Variants in NEDD1 observed in about 807,000 individuals in gnomAD.
The protein encoded by NEDD1 is NEDD1 gamma-tubulin ring complex targeting factor.
A neutral mutation model predicts 74.0 loss-of-function variants in NEDD1; 33 were observed. That is an observed-to-expected ratio of 0.45 (90% CI 0.34 to 0.60). NEDD1 has a LOEUF of 0.60. NEDD1 is among the 20% of genes least tolerant of loss of function. NEDD1 has a pLI of 0.01. For missense variants in NEDD1, 746 were observed against 776.5 expected, an observed-to-expected ratio of 0.96 and a Z score of 0.47; for synonymous variants, 250 against 264.4, an observed-to-expected ratio of 0.95 and a Z score of 0.53.
At chr12:96,910,740 C>T (rs1011787676) in intron 3 of NEDD1, among the ~76,000 whole-genome samples, 4 of 152,200 alleles carry the variant, frequency 2.6e-5, no homozygotes, top group African/African-American at 9.6e-5. Context: ...AGAACCACTG[C>T]TGTGACCACA....
chr12:96,938,221 A>G (rs1877319150), intron 9 of NEDD1, among the ~76,000 whole-genome samples: 1 of 151,998 alleles, frequency 6.6e-6, no homozygotes, highest in South Asian at 2.1e-4. Flanking sequence ...TAAAGTAAGT[A>G]TATTCACTAT....
At chr12:96,919,757 A>G (rs1182821910) in intron 5 of NEDD1, among the ~76,000 whole-genome samples, 1 of 152,220 alleles carries the variant, frequency 6.6e-6, no homozygotes, top group Non-Finnish European at 1.5e-5. Flanking sequence ...GAATTCTTTA[A>G]GGAAGACATA....
rs1159572577 is a variant in NEDD1, at chr12:96,933,016, TA to T, written c.490-1957del. Among the ~76,000 whole-genome samples, 1,385 of 151,234 alleles carry T rather than the reference TA, an allele frequency of 9.2e-3. 24 individuals are homozygous for T. Among genetic ancestry groups the T allele is most frequent in the African/African-American group, 0.032 (1,302 of 41,192 alleles). Reference sequence around the variant, plus strand: ...TCTTTAGCCTTTTTTTTTTTTTTTTTAAATAGTCTGCCATGTAGGTCCCAAG... The same window carrying T: ...TCTTTAGCCTTTTTTTTTTTTTTTTTAATAGTCTGCCATGTAGGTCCCAAG... On this transcript the variant is annotated intron_variant, in intron 6 of 15. Transcript: ENST00000266742.
At position 96,912,794 on chromosome 12, in the gene NEDD1, C is replaced by G. The variant is rs964900973; in HGVS notation, c.208C>G (p.Pro70Ala). ...VVSSCKCKPV[P>A]LLELAEGQKQ... ...CTCAAGTTGCAAATGTAAACCTGTT[C>G]CACTTTTAGAGCTTGCTGAAGGGGT... Residue 70 changes from proline to alanine, a missense_variant, in exon 4 of 16, where the codon CCA becomes GCA. Transcript: ENST00000266742. The G allele has an allele frequency of 6.2e-7, 1 of 1,600,726 alleles. No individual in the cohort carries two copies. Among genetic ancestry groups the G allele is most frequent in the Non-Finnish European group, 8.6e-7 (1 of 1,169,544 alleles).
At chr12:96,932,834 A>G (rs1264893640) in intron 6 of NEDD1, among the ~76,000 whole-genome samples, 1 of 151,862 alleles carries the variant, frequency 6.6e-6, no homozygotes, top group East Asian at 1.9e-4. Context: ...ATGCTATTTA[A>G]TCCTCAAAAT....
At chr12:96,929,340 TTCTTAATGTCTTGTATTTTTTTTTTC>T (rs1337222638) in intron 6 of NEDD1, among the ~76,000 whole-genome samples, 10 of 149,556 alleles carry the variant, frequency 6.7e-5, no homozygotes, top group East Asian at 1.9e-4. Context: ...TATGTTTTTT[TTCTTAATGTCTTGTATTTTTTTTTTC>T]CTTAATGTCT....
chr12:96,913,105 A>C (rs781659323), intron 4 of NEDD1, among the ~76,000 whole-genome samples: 1 of 152,100 alleles, frequency 6.6e-6, no homozygotes, highest in Non-Finnish European at 1.5e-5. Context: ...TGTTGCTGCT[A>C]TTTTAGGACG....
chr12:96,907,311 G>C lies in NEDD1; in HGVS notation c.-262+11G>C, dbSNP rs1244952681. 6 of 333,636 alleles carry C rather than the reference G, an allele frequency of 1.8e-5. No individual in the cohort carries two copies. In the East Asian group the frequency reaches 2.1e-4, roughly 12 times the overall value. 20.7% of individuals were successfully genotyped at this position (333,636 alleles called of 1,614,324 possible). A position where few individuals can be genotyped will look rare whatever the true frequency, so the allele number is the denominator to read the frequency against. On this transcript the variant is annotated intron_variant, in intron 1 of 15. Coordinates refer to ENST00000266742, the MANE Select transcript of NEDD1 (RefSeq NM_152905.4). ...TGTTGCTGCGGAGAGGTGAGGTTCC[G>C]GAGGCCCTGAGGTCAGCGGGCCCCC... is the stretch of plus-strand genomic sequence containing the variant.
chr12:96,925,883 A>C (rs1313651782), intron 6 of NEDD1, among the ~76,000 whole-genome samples: 1 of 152,128 alleles, frequency 6.6e-6, no homozygotes, highest in East Asian at 1.9e-4. Context: ...GGATCTTCTG[A>C]TGTAGATTTA....
intron 2 of NEDD1, 62 bp downstream of exon 2, chr12:96,907,918 C>T (rs968359276): frequency 1.6e-6 from 2 of 1,275,414 alleles, no homozygotes; most frequent in African/African-American, 1.5e-5. Flanking sequence ...AACATTAAAT[C>T]ACCCGGCGAG....
intron 10 of NEDD1, among the ~76,000 whole-genome samples, chr12:96,941,979 A>T (rs1877703487): frequency 6.6e-6 from 1 of 152,062 alleles, no homozygotes; most frequent in Admixed American, 6.6e-5. Context: ...TAAATTCGTT[A>T]ATGACTTTGG....
At chr12:96,911,418 G>C (rs983357726) in intron 3 of NEDD1, among the ~76,000 whole-genome samples, 1 of 152,212 alleles carries the variant, frequency 6.6e-6, no homozygotes, top group Non-Finnish European at 1.5e-5. Context: ...GATGTGCACT[G>C]AAAGCCTTCA....
intron 5 of NEDD1, 48 bp downstream of exon 5, chr12:96,917,785 C>T (rs932783030): frequency 3.4e-5 from 51 of 1,505,596 alleles, no homozygotes; most frequent in Non-Finnish European, 4.2e-5. Context: ...TATCTTAATG[C>T]ATTTAGAGTA....
Position 96,952,862 on chromosome 12 carries a change from T to C in NEDD1, c.*809T>C, listed in dbSNP as rs1274140201. ...AGATTTCATATTAGGTACTAAATAT[T>C]ATAGTATTATTTCTATTTTCTTTTT... On this transcript the variant is annotated 3_prime_UTR_variant, in exon 16 of 16. Coordinates refer to ENST00000266742, the MANE Select transcript of NEDD1 (RefSeq NM_152905.4). 2 of 151,638 alleles carry C rather than the reference T, an allele frequency of 1.3e-5. No individual in the cohort carries two copies. Among genetic ancestry groups the C allele is most frequent in the Admixed American group, 1.3e-4 (2 of 15,214 alleles). 9.4% of individuals were successfully genotyped at this position (151,638 alleles called of 1,614,324 possible).
intron 6 of NEDD1, among the ~76,000 whole-genome samples, chr12:96,928,332 ATTG>A (rs1485096356): frequency 2.0e-5 from 3 of 152,056 alleles, no homozygotes; most frequent in Non-Finnish European, 2.9e-5. Context: ...AAAATCCTCT[ATTG>A]TTTTATTTTC....
rs537904800 is a variant in NEDD1 at position 96,952,849 on chromosome 12, A to G, written c.*796A>G. 9.9e-5 allele frequency: 15 copies of G among 151,868 alleles called. No homozygotes were observed. The highest frequency in any genetic ancestry group is 3.6e-4 in the African/African-American group (15 of 41,540). The allele number at this position is 151,868 out of a possible 1,614,324, so 9.4% of individuals were successfully genotyped here. A position where few individuals can be genotyped will look rare whatever the true frequency, so the allele number is the denominator to read the frequency against. On this transcript the variant is annotated 3_prime_UTR_variant, in exon 16 of 16. Coordinates refer to ENST00000266742, the MANE Select transcript of NEDD1 (RefSeq NM_152905.4). Reference sequence around the variant, plus strand: ...TTATAATGAGTGGAGATTTCATATTAGGTACTAAATATTATAGTATTATTT... The same window carrying G: ...TTATAATGAGTGGAGATTTCATATTGGGTACTAAATATTATAGTATTATTT...
intron 6 of NEDD1, among the ~76,000 whole-genome samples, chr12:96,926,181 T>C (rs1295681704): frequency 3.3e-5 from 5 of 152,204 alleles, no homozygotes; most frequent in African/African-American, 7.2e-5. Context: ...TTCTCTAAAA[T>C]GGTTTGAGCA....
In NEDD1 at chr12:96,944,771, C is replaced by G. The variant is rs376366987; in HGVS notation, c.1630C>G (p.Pro544Ala). The change falls in exon 13 of 16, where the codon CCA (proline) becomes GCA (alanine). Residue 544 changes from proline (P) to alanine (A), a missense_variant. Transcript: ENST00000266742. Reference protein sequence around the residue: ...EIEAQLICEPPINGSSTPNPK... With the variant: ...EIEAQLICEPAINGSSTPNPK... ...TGAAGCCCAGTTGATATGTGAACCCCCAATCAATGGATCCTCAACTCCAAG... is the reference window on the plus strand; with the variant it reads ...TGAAGCCCAGTTGATATGTGAACCCGCAATCAATGGATCCTCAACTCCAAG... The G allele has an allele frequency of 2.6e-6, 4 of 1,567,484 alleles. No individual in the cohort carries two copies. The African/African-American group carries it at 4.2e-5, about 16-fold the overall frequency.
At chr12:96,920,455 C>G (rs552150689) in intron 6 of NEDD1, among the ~76,000 whole-genome samples, 2 of 151,968 alleles carry the variant, frequency 1.3e-5, no homozygotes, top group Admixed American at 6.5e-5. Context: ...TGTCACATAG[C>G]TCAGATTTTG....
Sources: gnomAD v4.1 joint callset for allele counts (sites outside exome capture counted in the v4.1 genomes callset) on GRCh38, gnomAD v4.1.1 for gene constraint, MANE v1.5 for transcripts, NCBI Gene and HGNC (gene_info 2026-07-23, HGNC 2026-07-21) for gene names.